Variants in FANCM observed in about 807,000 individuals in gnomAD.
FANCM encodes FA complementation group M.
Under a neutral mutation model 199.5 loss-of-function variants are expected in FANCM, and 140 were observed. The ratio of observed to expected loss-of-function variants is 0.70; its 90% CI spans 0.61 to 0.81. FANCM has a LOEUF of 0.81. Among genes scored for constraint, FANCM ranks in the 30% least tolerant of loss-of-function variants. The probability of loss-of-function intolerance (pLI) is 0.00; values close to 1 mark genes in which losing one functional copy is unlikely to be tolerated. For missense variants in FANCM, 2,410 were observed against 2,421.4 expected (o/e 1.00, Z 0.10); for synonymous variants, 840 against 836.8 (o/e 1.00, Z -0.07).
intron 20 of FANCM, chr14:45,195,643 G>T (rs548968569): frequency 1.8e-5 from 8 of 436,754 alleles, no homozygotes; most frequent in Non-Finnish European, 3.7e-5. Flanking sequence ...TTTTGACCTC[G>T]GTGCATTCCT....
chr14:45,184,063 GT>G (rs574958863), intron 17 of FANCM, among the ~76,000 whole-genome samples, 161 bp downstream of exon 17: 22 of 151,084 alleles, frequency 1.5e-4, no homozygotes, highest in African/African-American at 7.3e-5. Flanking sequence ...ATTCAAAGTA[GT>G]TTTTTTTTGT....
chr14:45,147,065 A>T (rs1886449185), intron 3 of FANCM, among the ~76,000 whole-genome samples: 1 of 152,096 alleles, frequency 6.6e-6, no homozygotes, highest in African/African-American at 2.4e-5. Context: ...AATACCTGGC[A>T]TGTGGGAGTT....
chr14:45,161,865 T>C (rs1887632699), intron 9 of FANCM, among the ~76,000 whole-genome samples: 1 of 152,086 alleles, frequency 6.6e-6, no homozygotes, highest in Admixed American at 6.5e-5. Flanking sequence ...GTTGGGAGAC[T>C]TATAACAATT....
intron 3 of FANCM, among the ~76,000 whole-genome samples, chr14:45,147,144 T>C (rs1262172711): frequency 3.3e-5 from 5 of 152,132 alleles, no homozygotes; most frequent in African/African-American, 9.7e-5. Context: ...TGGTCACAAA[T>C]GTATTCTAGA....
intron 21 of FANCM, chr14:45,198,368 A>G (rs1890182376): frequency 3.9e-6 from 1 of 258,148 alleles, no homozygotes; most frequent in Admixed American, 4.8e-5. Context: ...AGAGATGAGT[A>G]ATACAGTCTT....
chr14:45,183,112 T>C (rs1429048951), intron 16 of FANCM, among the ~76,000 whole-genome samples: 1 of 152,154 alleles, frequency 6.6e-6, no homozygotes. Context: ...CGTATTAACA[T>C]TGTGTACTCA....
intron 11 of FANCM, among the ~76,000 whole-genome samples, chr14:45,168,149 A>G (rs115262727): frequency 0.021 from 3,168 of 152,174 alleles, 114 homozygotes; most frequent in African/African-American, 0.072. Flanking sequence ...CATACCATGC[A>G]TTTTTAAGGT....
chr14:45,139,448 T>C (rs1442868234), intron 2 of FANCM, among the ~76,000 whole-genome samples: 1 of 152,162 alleles, frequency 6.6e-6, no homozygotes, highest in Non-Finnish European at 1.5e-5. Flanking sequence ...CTGAGAGCTG[T>C]TCCTGCAAAT....
chr14:45,150,794 C>T lies in FANCM; in HGVS notation c.919-603C>T, dbSNP rs535434920. Among the ~76,000 whole-genome samples, 117 of 152,164 alleles carry T rather than the reference C, an allele frequency of 7.7e-4. 3 individuals carry two copies. In the South Asian group the frequency reaches 0.023, roughly 30 times the overall value. ...ATGAAAATGATCTACTTTCTTTGTT[C>T]GCTTCTTTATTCTTCGGTTCCCTCC... On this transcript the variant is annotated intron_variant, in intron 4 of 22. Coordinates refer to ENST00000267430, the MANE Select transcript of FANCM (RefSeq NM_020937.4).
At chr14:45,198,456 T>A (rs1890186766) in intron 21 of FANCM, 188 bp from the exon 22 acceptor site, 1 of 469,384 alleles carries the variant, frequency 2.1e-6, no homozygotes, top group Non-Finnish European at 3.8e-6. Flanking sequence ...CTCAAGGCGC[T>A]CATAGTTACC....
Position 45,136,473 on chromosome 14 carries a change from A to G in FANCM, c.442A>G (p.Thr148Ala). ...CATGGCCCCAACGAAACCCTTGGTGACACAGCAGATCGAGGCTTGCTACCA... is the reference window on the plus strand; with the variant it reads ...CATGGCCCCAACGAAACCCTTGGTGGCACAGCAGATCGAGGCTTGCTACCA... ...VFMAPTKPLV[T>A]QQIEACYQVM... The change falls in exon 1 of 23, where the codon ACA becomes GCA. Residue 148 changes from threonine (T) to alanine (A), a missense_variant. Physicochemically the swap from Thr to Ala is moderately conservative, Grantham distance 58. Transcript: ENST00000267430. The G allele has an allele frequency of 1.2e-6, 2 of 1,614,194 alleles. No individual in the cohort carries two copies. The highest frequency in any genetic ancestry group is 1.6e-4 in the Middle Eastern group (1 of 6,062).
chr14:45,184,033 A>G, intron 17 of FANCM, 131 bp downstream of exon 17: 1 of 634,988 alleles, frequency 1.6e-6, no homozygotes, highest in South Asian at 2.4e-5. Flanking sequence ...ACCCATTTAG[A>G]TTTTTTTTAC....
At position 45,146,215 on chromosome 14, in the gene FANCM, TG is replaced by T. The variant is rs893260806; in HGVS notation, c.760-2619del. Among the ~76,000 whole-genome samples, 6 of 118,038 alleles carry T rather than the reference TG, an allele frequency of 5.1e-5. No homozygotes were observed. In the South Asian group the frequency reaches 1.2e-3, roughly 24 times the overall value. 77.4% of individuals were successfully genotyped at this position (118,038 alleles called of 152,430 possible). On this transcript the variant is annotated intron_variant, in intron 3 of 22. Coordinates refer to ENST00000267430, the MANE Select transcript of FANCM (RefSeq NM_020937.4). ...GAGATCATGGCATGGCACTCCAGCC[TG>T]GGTGACAGAGTGAGACTCCGTCTGA...
chr14:45,183,963 T>C (rs1889228865), intron 17 of FANCM, 61 bp downstream of exon 17: 2 of 1,266,578 alleles, frequency 1.6e-6, no homozygotes, highest in Admixed American at 3.8e-5. Context: ...ATAATTGGTT[T>C]TACATCAATG....
intron 17 of FANCM, 89 bp downstream of exon 17, chr14:45,183,991 T>G: frequency 1.1e-6 from 1 of 945,752 alleles, no homozygotes; most frequent in Non-Finnish European, 1.6e-6. Context: ...CTCTATACAT[T>G]CTCTTTATAG....
rs934517646 is a variant in FANCM, at chr14:45,135,953, C to T, written c.-79C>T. 4 of 1,500,420 alleles carry T rather than the reference C, an allele frequency of 2.7e-6. No individual in the cohort carries two copies. The African/African-American group carries it at 4.1e-5, about 15-fold the overall frequency. 92.9% of individuals were successfully genotyped at this position (1,500,420 alleles called of 1,614,324 possible). ...TTCCAGAGTTTTGTGCGAAGGAAAC[C>T]GATGGGGATCGGAACCGTAGCGGTT... On this transcript the variant is annotated 5_prime_UTR_variant, in exon 1 of 23. Coordinates refer to ENST00000267430, the MANE Select transcript of FANCM (RefSeq NM_020937.4).
chr14:45,177,782 G>A (rs557131523), intron 14 of FANCM, among the ~76,000 whole-genome samples: 1 of 152,146 alleles, frequency 6.6e-6, no homozygotes, highest in Non-Finnish European at 1.5e-5. Flanking sequence ...CATAATTTAG[G>A]TGTTACAAAA....
Position 45,200,691 on chromosome 14 carries a change from C to A in FANCM, c.*683C>A, listed in dbSNP as rs1290924956. ...ACGTGATTAGCTCATGGGGGCGGTTCCCCCATGCTGTTCTAGTGATAGTTC... is the reference window on the plus strand; with the variant it reads ...ACGTGATTAGCTCATGGGGGCGGTTACCCCATGCTGTTCTAGTGATAGTTC... On this transcript the variant is annotated 3_prime_UTR_variant, in exon 23 of 23. Coordinates refer to ENST00000267430, the MANE Select transcript of FANCM (RefSeq NM_020937.4). The A allele has an allele frequency of 6.6e-6, 1 of 152,158 alleles. No homozygotes were observed. Among genetic ancestry groups the A allele is most frequent in the African/African-American group, 2.4e-5 (1 of 41,394 alleles). 9.4% of individuals were successfully genotyped at this position (152,158 alleles called of 1,614,324 possible).
intron 11 of FANCM, among the ~76,000 whole-genome samples, chr14:45,169,270 CT>C (rs1165295698): frequency 3.3e-5 from 5 of 151,916 alleles, no homozygotes; most frequent in African/African-American, 1.2e-4. Context: ...ATTTCGAAAT[CT>C]TAGAGTCTCT....
Sources: allele counts gnomAD v4.1 joint callset (sites outside exome capture counted in the v4.1 genomes callset), GRCh38; gene constraint gnomAD v4.1.1; transcripts MANE v1.5; gene names NCBI Gene and HGNC (gene_info 2026-07-23, HGNC 2026-07-21).